GRIP1: variants seen among roughly 807,000 people sequenced by gnomAD.
The protein encoded by GRIP1 is glutamate receptor interacting protein 1, also known as glutamate receptor-interacting protein 1.
A neutral mutation model predicts 129.9 loss-of-function variants in GRIP1; 45 were observed. The observed-to-expected ratio is 0.35, with a 90% CI of 0.27 to 0.44. The LOEUF is 0.44. Among genes scored for constraint, GRIP1 ranks in the 20% least tolerant of loss-of-function variants. The probability of loss-of-function intolerance (pLI) is 1.00; values close to 1 mark genes in which losing one functional copy is unlikely to be tolerated. For missense variants in GRIP1, 1,196 were observed against 1,396.8 expected (o/e 0.86, Z 2.29); for synonymous variants, 530 against 520.8 (o/e 1.02, Z -0.24).
chr12:66,375,015 A>C (rs1312123799), intron 22 of GRIP1, among the ~76,000 whole-genome samples: 1 of 152,172 alleles, frequency 6.6e-6, no homozygotes, highest in Non-Finnish European at 1.5e-5. Flanking sequence ...TATTATTCCT[A>C]AGGCAGCCTA....
At chr12:66,600,894 T>C (rs1156505891) in intron 1 of GRIP1, among the ~76,000 whole-genome samples, 1 of 152,160 alleles carries the variant, frequency 6.6e-6, no homozygotes, top group African/African-American at 2.4e-5. Context: ...ATTAAGGGCA[T>C]CTCAGGGTAT....
At chr12:66,615,141 A>C (rs1026376238) in intron 1 of GRIP1, among the ~76,000 whole-genome samples, 1 of 152,306 alleles carries the variant, frequency 6.6e-6, no homozygotes, top group East Asian at 1.9e-4. Context: ...CTTGGCACAT[A>C]GTTGATATTC....
chr12:66,358,681 T>C (rs1488964222), intron 23 of GRIP1, among the ~76,000 whole-genome samples: 1 of 151,990 alleles, frequency 6.6e-6, no homozygotes, highest in Non-Finnish European at 1.5e-5. Flanking sequence ...ACTCCTAACC[T>C]AAAATGAGCT....
rs148436791 is a variant in GRIP1 at position 66,756,973 on chromosome 12, G to T, written c.-420+47080C>A. The stretch of plus-strand genomic sequence containing the variant: ...TAATTTTTAAATTTTTGTGAGTACA[G>T]AGTAGGTGTATATATTTATGGGATA... On this transcript the variant is annotated intron_variant, in intron 1 of 4. Coordinates refer to the GRIP1 transcript ENST00000538373. Among the ~76,000 whole-genome samples the T allele has an allele frequency of 4.2e-3, 644 of 152,288 alleles. 2 individuals carry two copies. The highest frequency in any genetic ancestry group is 0.015 in the African/African-American group (620 of 41,552).
chr12:66,599,057 T>C (rs78458231), intron 1 of GRIP1, among the ~76,000 whole-genome samples: 7,003 of 152,272 alleles, frequency 0.046, 183 homozygotes, highest in African/African-American at 0.063. Context: ...CTTCCTTGAT[T>C]TAGAACTGAG....
At chr12:66,712,847 A>C (rs113572389) in intron 1 of GRIP1, among the ~76,000 whole-genome samples, 346 of 152,110 alleles carry the variant, frequency 2.3e-3, no homozygotes, top group African/African-American at 7.9e-3. Flanking sequence ...ACTTATCACT[A>C]TGTAGAATAA....
Position 66,347,601 on chromosome 12 carries a change from A to C in GRIP1, c.*1418T>G, listed in dbSNP as rs978311712. The C allele has an allele frequency of 1.3e-5, 2 of 152,206 alleles. No homozygotes were observed. Among genetic ancestry groups the C allele is most frequent in the South Asian group, 4.1e-4 (2 of 4,836 alleles). 9.4% of individuals were successfully genotyped at this position (152,206 alleles called of 1,614,324 possible). On this transcript the variant is annotated 3_prime_UTR_variant, in exon 25 of 25. Transcript: ENST00000359742. ...TTAAATTTGTACAAAAATACTTTAC[A>C]GTTTAATACTTGTTTGTTACAAATA...
intron 1 of GRIP1, among the ~76,000 whole-genome samples, chr12:66,762,825 G>T (rs1485190278): frequency 6.6e-6 from 1 of 152,192 alleles, no homozygotes; most frequent in Non-Finnish European, 1.5e-5. Context: ...TGGTTACGCA[G>T]ATTGATTCTG....
At chr12:66,875,122 TAAAG>T (rs1485326876) in intron 1 of GRIP1, among the ~76,000 whole-genome samples, 1 of 152,088 alleles carries the variant, frequency 6.6e-6, no homozygotes, top group Admixed American at 6.6e-5. Context: ...AATTATTAAA[TAAAG>T]AGTGATAATA....
intron 1 of GRIP1, among the ~76,000 whole-genome samples, chr12:66,900,546 C>T (rs1441003360): frequency 6.6e-6 from 1 of 152,158 alleles, no homozygotes; most frequent in Non-Finnish European, 1.5e-5. Context: ...CTAAAACAGA[C>T]ACATACACTG....
At chr12:66,943,261 A>C (rs1437355724) in intron 1 of GRIP1, among the ~76,000 whole-genome samples, 3 of 152,176 alleles carry the variant, frequency 2.0e-5, no homozygotes, top group African/African-American at 7.2e-5. Context: ...AAGGGTCTTG[A>C]ACAGCAGGGG....
intron 23 of GRIP1, among the ~76,000 whole-genome samples, chr12:66,353,848 C>T (rs1034517099): frequency 1.3e-5 from 2 of 152,176 alleles, no homozygotes; most frequent in Non-Finnish European, 2.9e-5. Flanking sequence ...GAGAGAACTT[C>T]CTCAAGGCAA....
At chr12:66,559,883 A>T (rs2062460162) in intron 2 of GRIP1, among the ~76,000 whole-genome samples, 1 of 152,180 alleles carries the variant, frequency 6.6e-6, no homozygotes. Context: ...GAGGAAAAAT[A>T]AAACTGGATG....
chr12:66,482,439 A>T (rs2059832562), intron 7 of GRIP1, among the ~76,000 whole-genome samples: 1 of 152,210 alleles, frequency 6.6e-6, no homozygotes, highest in South Asian at 2.1e-4. Flanking sequence ...ACTGTTTTCC[A>T]GCATTATCCA....
chr12:66,483,524 G>C (rs2059865266), intron 7 of GRIP1, among the ~76,000 whole-genome samples: 1 of 152,156 alleles, frequency 6.6e-6, no homozygotes, highest in South Asian at 2.1e-4. Flanking sequence ...ATGCTAACTT[G>C]AGTTTGGATA....
At chr12:67,013,966 A>C (rs2042747079) in intron 1 of GRIP1, among the ~76,000 whole-genome samples, 2 of 152,218 alleles carry the variant, frequency 1.3e-5, no homozygotes, top group South Asian at 4.1e-4. Context: ...TCTGGGACAA[A>C]GATGCTCTCT....
chr12:66,378,054 C>G (rs1196256096), intron 20 of GRIP1, among the ~76,000 whole-genome samples: 1 of 149,280 alleles, frequency 6.7e-6, no homozygotes, highest in Non-Finnish European at 1.5e-5. Context: ...TGGTAAGGAA[C>G]AAAATGGTAA....
chr12:66,459,639 C>T (rs2059075326), intron 9 of GRIP1, among the ~76,000 whole-genome samples: 1 of 152,194 alleles, frequency 6.6e-6, no homozygotes. Context: ...TTTACCTTGA[C>T]TTTGAATTAC....
chr12:66,710,907 T>C (rs1271225988), intron 1 of GRIP1, among the ~76,000 whole-genome samples: 1 of 151,890 alleles, frequency 6.6e-6, no homozygotes, highest in Admixed American at 6.6e-5. Context: ...CCTTTCTGGA[T>C]CACTTCACAT....
Sources: gnomAD v4.1 joint callset for allele counts (sites outside exome capture counted in the v4.1 genomes callset) on GRCh38, gnomAD v4.1.1 for gene constraint, MANE v1.5 for transcripts, NCBI Gene and HGNC (gene_info 2026-07-23, HGNC 2026-07-21) for gene names.